SLC7A14: variants seen among roughly 807,000 people sequenced by gnomAD.
SLC7A14 encodes the protein solute carrier family 7 member 14.
A neutral mutation model predicts 60.2 loss-of-function variants in SLC7A14; 37 were observed. The observed-to-expected ratio is 0.61, with a 90% confidence interval of 0.47 to 0.81. The LOEUF (loss-of-function observed/expected upper bound fraction) is 0.81. Among genes scored for constraint, SLC7A14 ranks in the 30% least tolerant of loss-of-function variants. SLC7A14 has a pLI of 0.00. For synonymous variants in SLC7A14, 399 were observed against 395.8 expected, an observed-to-expected ratio of 1.01 and a Z score of -0.10; for missense variants, 886 against 982.7, an observed-to-expected ratio of 0.90 and a Z score of 1.32.
chr3:170,515,292 G>A (rs1358740063), intron 2 of SLC7A14, among the ~76,000 whole-genome samples: 3 of 146,350 alleles, frequency 2.0e-5, no homozygotes, highest in African/African-American at 7.7e-5. Flanking sequence ...CATCCTGGGC[G>A]ACAGAGTGAG....
rs370686041 is a variant in SLC7A14 at position 170,516,102 on chromosome 3, T to C, written c.304+10531A>G. ...TCCTGGCTTTGCTGGAGGAAACTCA[T>C]TATCACCATCAGCAATTTAAGAAAC... On this transcript the variant is annotated intron_variant, in intron 2 of 7. Coordinates refer to ENST00000231706, the MANE Select transcript of SLC7A14 (RefSeq NM_020949.3). Among the ~76,000 whole-genome samples the C allele has an allele frequency of 1.8e-4, 27 of 152,332 alleles. No individual in the cohort carries two copies. The South Asian group carries it at 5.0e-3, about 28-fold the overall frequency.
At chr3:170,519,141 A>T (rs1713259601) in intron 2 of SLC7A14, among the ~76,000 whole-genome samples, 1 of 152,192 alleles carries the variant, frequency 6.6e-6, no homozygotes, top group Non-Finnish European at 1.5e-5. Context: ...CAGAATAGTG[A>T]AGTGGAAGGT....
chr3:170,468,217 A>G (rs1739777329), intron 7 of SLC7A14, among the ~76,000 whole-genome samples: 1 of 152,230 alleles, frequency 6.6e-6, no homozygotes, highest in South Asian at 2.1e-4. Flanking sequence ...GTTAATATGT[A>G]GCATTCATAT....
Position 170,532,671 on chromosome 3 carries a change from G to GT in SLC7A14, c.-152-5584dup, listed in dbSNP as rs368903514. On this transcript the variant is annotated intron_variant, in intron 1 of 7. Transcript: ENST00000231706. The surrounding 1 kb of genome is among the most constrained non-coding windows in gnomAD (Gnocchi z 4.0). ...ACCCTGCTGTGGCCCCTGACCAGGT[G>GT]TTTTTTTTTTTTTGTTGTTGTTGTT... is the stretch of plus-strand genomic sequence containing the variant. 1.4e-3 allele frequency among the ~76,000 whole-genome samples: 197 copies of GT among 145,562 alleles called. 1 individual carries two copies. The highest frequency in any genetic ancestry group is 3.7e-3 in the Middle Eastern group (1 of 268).
rs1486278979 is a variant in SLC7A14, at chr3:170,585,562, C to T, written c.-153+349G>A. ...AGACCTAGGCTGCCCGCATTCCGCT[C>T]GCGGCTCCCCTTCTGCCTCCCGCTC... On this transcript the variant is annotated intron_variant, in intron 1 of 7. Transcript: ENST00000231706. This position sits in a 1 kb window ranked among gnomAD's most constrained non-coding sequence, Gnocchi z 5.1. Among the ~76,000 whole-genome samples the T allele has an allele frequency of 6.6e-6, 1 of 152,160 alleles. No individual in the cohort carries two copies. Among genetic ancestry groups the T allele is most frequent in the East Asian group, 1.9e-4 (1 of 5,156 alleles).
At chr3:170,583,619 T>C (rs1240560372) in intron 1 of SLC7A14, among the ~76,000 whole-genome samples, 2 of 152,210 alleles carry the variant, frequency 1.3e-5, no homozygotes, top group Non-Finnish European at 2.9e-5. Flanking sequence ...AAAACGATGG[T>C]GCTAAATGAT....
At chr3:170,472,573 C>T (rs574136333) in intron 7 of SLC7A14, among the ~76,000 whole-genome samples, 4 of 151,806 alleles carry the variant, frequency 2.6e-5, no homozygotes, top group South Asian at 2.1e-4. Context: ...AGACCATCCT[C>T]GCTAACACGG....
chr3:170,520,219 C>T (rs1008368961), intron 2 of SLC7A14, among the ~76,000 whole-genome samples: 5 of 152,156 alleles, frequency 3.3e-5, no homozygotes, highest in Non-Finnish European at 7.3e-5. Context: ...TTTCAGAATC[C>T]TCTGTTTTCT....
At chr3:170,559,657 A>T (rs1714585775) in intron 1 of SLC7A14, among the ~76,000 whole-genome samples, 1 of 152,240 alleles carries the variant, frequency 6.6e-6, no homozygotes, top group South Asian at 2.1e-4. Context: ...TAAAATTACT[A>T]ATTCTGATAC....
At chr3:170,470,328 G>GTGTGTGTGTGTA (rs1553864061) in intron 7 of SLC7A14, among the ~76,000 whole-genome samples, 182 of 151,726 alleles carry the variant, frequency 1.2e-3, no homozygotes, top group Admixed American at 6.6e-3. Context: ...GTGTGTGTGT[G>GTGTGTGTGTGTA]TGTGTGTGTG....
rs536537654 is a variant in SLC7A14, at chr3:170,494,069, C to A, written c.759+4598G>T. 6.4e-4 allele frequency among the ~76,000 whole-genome samples: 97 copies of A among 152,268 alleles called. No homozygotes were observed. In the South Asian group the frequency reaches 0.019, roughly 29 times the overall value. Reference sequence around the variant, plus strand: ...TGAACAGAAGTGCAAAAAAAGATAACCAGTTCATGGTCCCAAACCCAGGTG... The same window carrying A: ...TGAACAGAAGTGCAAAAAAAGATAAACAGTTCATGGTCCCAAACCCAGGTG... On this transcript the variant is annotated intron_variant, in intron 4 of 7. Coordinates refer to ENST00000231706, the MANE Select transcript of SLC7A14 (RefSeq NM_020949.3).
intron 1 of SLC7A14, among the ~76,000 whole-genome samples, chr3:170,560,299 A>G (rs1420536645): frequency 1.3e-5 from 2 of 152,216 alleles, no homozygotes; most frequent in East Asian, 3.8e-4. Context: ...AAAGAAAGAA[A>G]GAAAAGCCAG....
intron 4 of SLC7A14, among the ~76,000 whole-genome samples, chr3:170,487,714 C>A (rs905641180): frequency 6.6e-6 from 1 of 152,232 alleles, no homozygotes. Context: ...CCTACCGTTT[C>A]TCTCAGCTAG....
At chr3:170,572,060 C>CAAAAAAAAA (rs765897392) in intron 1 of SLC7A14, among the ~76,000 whole-genome samples, 12 of 80,534 alleles carry the variant, frequency 1.5e-4, no homozygotes, top group Admixed American at 2.8e-4. Context: ...GACTCTGTCT[C>CAAAAAAAAA]AAAAAAAAAA....
chr3:170,556,915 C>T (rs780239057), intron 1 of SLC7A14, among the ~76,000 whole-genome samples: 19 of 152,322 alleles, frequency 1.2e-4, no homozygotes, highest in Middle Eastern at 3.4e-3. Flanking sequence ...ATCTCCCACT[C>T]TCATCACAAC....
At position 170,566,414 on chromosome 3, in the gene SLC7A14, G is replaced by C. The variant is rs530431209; in HGVS notation, c.-153+19497C>G. On this transcript the variant is annotated intron_variant, in intron 1 of 7. Transcript: ENST00000231706. ...TAAGTTCTTCTCAAACAAGATTTCA[G>C]TGATATGGATGGTTAAACATTGCCA... Among the ~76,000 whole-genome samples the C allele has an allele frequency of 9.2e-5, 14 of 152,314 alleles. No individual in the cohort carries two copies. In the East Asian group the frequency reaches 2.3e-3, roughly 25 times the overall value.
chr3:170,494,134 G>A (rs1712309708), intron 4 of SLC7A14, among the ~76,000 whole-genome samples: 2 of 152,142 alleles, frequency 1.3e-5, no homozygotes. Flanking sequence ...TCCAGGACTG[G>A]GATCGAATTT....
intron 2 of SLC7A14, among the ~76,000 whole-genome samples, chr3:170,512,819 A>G (rs189156346): frequency 1.2e-4 from 18 of 151,080 alleles, no homozygotes; most frequent in Non-Finnish European, 1.3e-4. Context: ...GCCCGCCACT[A>G]CGCCCGGCTA....
intron 7 of SLC7A14, among the ~76,000 whole-genome samples, chr3:170,479,166 A>G (rs1420088248): frequency 6.6e-6 from 1 of 151,426 alleles, no homozygotes; most frequent in African/African-American, 2.4e-5. Context: ...AACAACAACA[A>G]CAACAACAAA....
Sources: allele counts gnomAD v4.1 joint callset (sites outside exome capture counted in the v4.1 genomes callset), GRCh38; gene constraint gnomAD v4.1.1; non-coding constraint Gnocchi (gnomAD v3.1); transcripts MANE v1.5; gene names NCBI Gene and HGNC (gene_info 2026-07-23, HGNC 2026-07-21).